Variants in ATXN8OS observed in about 807,000 individuals in gnomAD.
The protein encoded by ATXN8OS is ATXN8 opposite strand lncRNA, also known as ATXN8 opposite strand (non-protein coding).
chr13:70,146,459 G>A (rs1328221708), intron 3 of ATXN8OS, among the ~76,000 whole-genome samples: 1 of 152,060 alleles, frequency 6.6e-6, no homozygotes, highest in Non-Finnish European at 1.5e-5. Flanking sequence ...AAAGACACAT[G>A]CACACGTATG....
chr13:70,107,616 G>A, upstream of ATXN8OS: 2 of 1,583,934 alleles, frequency 1.3e-6, no homozygotes, highest in East Asian at 4.5e-5. Context: ...GGCCGCCGGT[G>A]GAAGGAGACG....
At chr13:70,129,952 T>TA (rs1213908107) in intron 3 of ATXN8OS, 4 of 397,688 alleles carry the variant, frequency 1.0e-5, no homozygotes, top group Admixed American at 4.4e-5. Flanking sequence ...TCCTTGATAT[T>TA]AAAAAAATAT....
chr13:70,140,648 T>A (rs537422526), intron 3 of ATXN8OS, among the ~76,000 whole-genome samples: 246 of 152,174 alleles, frequency 1.6e-3, no homozygotes, highest in African/African-American at 5.8e-3. Flanking sequence ...AACTCAGGAA[T>A]CCTCTGAATG....
chr13:70,142,703 G>C (rs1024657680), intron 3 of ATXN8OS, among the ~76,000 whole-genome samples: 13 of 71,044 alleles, frequency 1.8e-4, no homozygotes, highest in Non-Finnish European at 2.4e-4. Context: ...AGATTATCTT[G>C]CCAACTTTTG....
rs575225089 is a variant in ATXN8OS, at chr13:70,150,963, T to TA, written n.573+3541dup. ...AGCAGGCATTGGCACTATATTTTTT[T>TA]AAAAAACAGCTTTATCAAGGTGTGA... On this transcript the variant is annotated intron_variant and non_coding_transcript_variant, in intron 4 of 4. Coordinates refer to ENST00000678624, the Ensembl canonical transcript of ATXN8OS. Among the ~76,000 whole-genome samples, 56 of 152,198 alleles carry TA rather than the reference T, an allele frequency of 3.7e-4. No homozygotes were observed. The East Asian group carries it at 9.7e-3, about 26-fold the overall frequency.
At chr13:70,167,668 TAAAAAAAAAGAAAATTCA>T (rs1889093054) in intron 4 of ATXN8OS, among the ~76,000 whole-genome samples, 1 of 136,568 alleles carries the variant, frequency 7.3e-6, no homozygotes, top group African/African-American at 2.7e-5. Context: ...AATAATAACT[TAAAAAAAAAGAAAATTCA>T]GAAAGAGCGA....
intron 2 of ATXN8OS, among the ~76,000 whole-genome samples, chr13:70,127,751 T>TAA (rs10645269): frequency 0.73 from 110,659 of 151,526 alleles, 40,667 homozygotes; most frequent in South Asian, 0.85. Flanking sequence ...TCATTAATCA[T>TAA]GTTATTAAAA....
chr13:70,137,038 T>C (rs1176456287), intron 3 of ATXN8OS, among the ~76,000 whole-genome samples: 2 of 152,154 alleles, frequency 1.3e-5, no homozygotes, highest in East Asian at 1.9e-4. Context: ...TGCAATTCCA[T>C]TGCCAATCAT....
At chr13:70,135,327 A>C (rs896035177) in intron 3 of ATXN8OS, among the ~76,000 whole-genome samples, 1 of 151,988 alleles carries the variant, frequency 6.6e-6, no homozygotes, top group Non-Finnish European at 1.5e-5. Context: ...CTATTAATTC[A>C]GTTTCCATGA....
intron 4 of ATXN8OS, among the ~76,000 whole-genome samples, chr13:70,165,924 T>C (rs1889070948): frequency 6.6e-6 from 1 of 151,986 alleles, no homozygotes; most frequent in South Asian, 2.1e-4. Context: ...AGTAAAATAA[T>C]AATAGCACAT....
intron 4 of ATXN8OS, among the ~76,000 whole-genome samples, chr13:70,148,769 G>A (rs549521034): frequency 6.6e-6 from 1 of 151,956 alleles, no homozygotes; most frequent in African/African-American, 2.4e-5. Context: ...ATTTGTAGCT[G>A]TTTTTATTAT....
At chr13:70,128,546 T>TA (rs5804478) in intron 2 of ATXN8OS, among the ~76,000 whole-genome samples, 22,177 of 146,176 alleles carry the variant, frequency 0.15, 2,027 homozygotes, top group African/African-American at 0.27. Context: ...GCTTAAAAAT[T>TA]AAAAAAAAAA....
exon 3 of ATXN8OS, chr13:70,129,798 C>T (rs1402220546): frequency 2.5e-6 from 1 of 398,288 alleles, no homozygotes; most frequent in Non-Finnish European, 4.4e-6. Flanking sequence ...GGCAACCACC[C>T]CATCAATGAC....
chr13:70,145,509 T>C (rs925048688), intron 3 of ATXN8OS, among the ~76,000 whole-genome samples: 1 of 152,028 alleles, frequency 6.6e-6, no homozygotes, highest in Non-Finnish European at 1.5e-5. Flanking sequence ...CATTTGTTTG[T>C]ATCTTCTTTT....
chr13:70,123,392 A>C (rs1413389178), intron 2 of ATXN8OS, among the ~76,000 whole-genome samples: 1 of 152,152 alleles, frequency 6.6e-6, no homozygotes, highest in African/African-American at 2.4e-5. Flanking sequence ...CACTAGAGTG[A>C]ATATTGAGAG....
chr13:70,117,548 CA>C (rs1252784207), intron 2 of ATXN8OS, among the ~76,000 whole-genome samples: 2 of 152,016 alleles, frequency 1.3e-5, no homozygotes, highest in Admixed American at 1.3e-4. Flanking sequence ...ATTTGAAAAA[CA>C]GTATGTGCAT....
At chr13:70,112,158 T>C (rs1285134490) in intron 1 of ATXN8OS, among the ~76,000 whole-genome samples, 3 of 151,996 alleles carry the variant, frequency 2.0e-5, no homozygotes, top group African/African-American at 7.2e-5. Flanking sequence ...CACTTTCAAA[T>C]AACCAGATCT....
exon 5 of ATXN8OS, among the ~76,000 whole-genome samples, chr13:70,170,365 G>A (rs565959760): frequency 8.2e-4 from 125 of 152,176 alleles, no homozygotes; most frequent in Middle Eastern, 3.4e-3. Context: ...TTCAACATAT[G>A]TCTGAGAAGA....
At chr13:70,165,124 C>G (rs1005076765) in intron 4 of ATXN8OS, among the ~76,000 whole-genome samples, 8 of 151,884 alleles carry the variant, frequency 5.3e-5, no homozygotes, top group African/African-American at 1.9e-4. Flanking sequence ...CTAGTAAGAT[C>G]AATTTTGAGC....
Sources: gnomAD v4.1 joint callset for allele counts (sites outside exome capture counted in the v4.1 genomes callset) on GRCh38, gnomAD v4.1.1 for gene constraint, MANE v1.5 for transcripts, NCBI Gene and HGNC (gene_info 2026-07-23, HGNC 2026-07-21) for gene names.